LRRIQ1: variants seen among roughly 807,000 people sequenced by gnomAD.
LRRIQ1 encodes leucine-rich repeat- and IQ domain-containing protein 1.
Under a neutral mutation model 211.9 loss-of-function variants are expected in LRRIQ1, and 210 were observed. The ratio of observed to expected loss-of-function variants is 0.99; its 90% confidence interval spans 0.89 to 1.11. The LOEUF (loss-of-function observed/expected upper bound fraction) is 1.11, where lower values mean the gene tolerates loss of function less well. Ranked by LOEUF, LRRIQ1 falls within the 50% of genes most tolerant of loss-of-function variation. The pLI, the probability that LRRIQ1 is intolerant of heterozygous loss-of-function variation, is 0.00. For synonymous variants in LRRIQ1, 699 were observed against 650.1 expected, an observed-to-expected ratio of 1.08 and a Z score of -1.14; for missense variants, 2,136 against 1,939.5, an observed-to-expected ratio of 1.10 and a Z score of -1.90.
At chr12:85,244,758 G>A in intron 26 of LRRIQ1, 31 bp from the exon 27 acceptor site, 1 of 1,592,824 alleles carries the variant, frequency 6.3e-7, no homozygotes, top group Non-Finnish European at 8.6e-7. Flanking sequence ...TTTGTTTCAT[G>A]ATTGTATACA....
intron 24 of LRRIQ1, among the ~76,000 whole-genome samples, chr12:85,180,204 A>C (rs906865829): frequency 6.6e-6 from 1 of 151,932 alleles, no homozygotes; most frequent in Non-Finnish European, 1.5e-5. Context: ...TTCCTACTGA[A>C]GTTCAACCAA....
At chr12:85,250,910 A>AATATATTTTATAGATTATATATT (rs1565928899) in intron 1 of LRRIQ1, among the ~76,000 whole-genome samples, 8 of 78,202 alleles carry the variant, frequency 1.0e-4, no homozygotes, top group African/African-American at 1.9e-4. Flanking sequence ...TATTATATAT[A>AATATATTTTATAGATTATATATT]ATATATTTTA....
chr12:85,210,830 A>G (rs1893804472), intron 24 of LRRIQ1, among the ~76,000 whole-genome samples: 1 of 152,196 alleles, frequency 6.6e-6, no homozygotes, highest in Non-Finnish European at 1.5e-5. Context: ...TGCCCACTGA[A>G]GGTGAGGACT....
At chr12:85,066,410 T>C (rs1882434314) in intron 9 of LRRIQ1, among the ~76,000 whole-genome samples, 1 of 151,858 alleles carries the variant, frequency 6.6e-6, no homozygotes, top group Admixed American at 6.6e-5. Flanking sequence ...AGACAGGGCC[T>C]GATTAACAAC....
chr12:85,208,624 C>T (rs896830408), intron 24 of LRRIQ1, among the ~76,000 whole-genome samples: 11 of 151,786 alleles, frequency 7.2e-5, no homozygotes, highest in South Asian at 2.1e-4. Context: ...AATTAAGCAA[C>T]GAGACCAGTA....
rs184121089 is a variant in LRRIQ1, at chr12:85,131,270, C to T, written c.4209+3237C>T. Among the ~76,000 whole-genome samples, 199 of 151,792 alleles carry T rather than the reference C, an allele frequency of 1.3e-3. 1 individual carries two copies. Among genetic ancestry groups the T allele is most frequent in the African/African-American group, 4.6e-3 (191 of 41,390 alleles). Reference sequence around the variant, plus strand: ...GTGCATATCACTTTCAGATCTACCCCATAAAATCTCCCACAGACACTCCTT... The same window carrying T: ...GTGCATATCACTTTCAGATCTACCCTATAAAATCTCCCACAGACACTCCTT... On this transcript the variant is annotated intron_variant, in intron 18 of 26. Transcript: ENST00000393217.
chr12:85,045,528 G>C (rs891524316), intron 4 of LRRIQ1, among the ~76,000 whole-genome samples: 1 of 151,598 alleles, frequency 6.6e-6, no homozygotes, highest in Non-Finnish European at 1.5e-5. Flanking sequence ...GGAATAAATA[G>C]CCTGTATCTT....
intron 24 of LRRIQ1, among the ~76,000 whole-genome samples, chr12:85,196,565 A>G (rs1172482044): frequency 6.6e-6 from 1 of 152,102 alleles, no homozygotes; most frequent in Non-Finnish European, 1.5e-5. Flanking sequence ...TGAGAAAAAC[A>G]AGCAATGGGG....
intron 19 of LRRIQ1, among the ~76,000 whole-genome samples, chr12:85,147,138 C>G (rs994094422): frequency 6.6e-6 from 1 of 151,744 alleles, no homozygotes; most frequent in Admixed American, 6.6e-5. Flanking sequence ...AAACTGAAAA[C>G]TTAGGCAACT....
At chr12:85,257,615 C>T (rs1202514592) in intron 1 of LRRIQ1, among the ~76,000 whole-genome samples, 1 of 151,460 alleles carries the variant, frequency 6.6e-6, no homozygotes, top group Non-Finnish European at 1.5e-5. Context: ...CAGTGGGAAA[C>T]CAGAAAACCA....
intron 24 of LRRIQ1, among the ~76,000 whole-genome samples, chr12:85,182,165 A>C (rs1892009961): frequency 6.6e-6 from 1 of 152,050 alleles, no homozygotes. Context: ...CCCCTTTTGT[A>C]CCATTTCTTC....
At chr12:85,158,554 T>C (rs1890686364) in intron 23 of LRRIQ1, among the ~76,000 whole-genome samples, 1 of 151,980 alleles carries the variant, frequency 6.6e-6, no homozygotes, top group Non-Finnish European at 1.5e-5. Context: ...ATATGGATAC[T>C]CTAATGCTTA....
intron 26 of LRRIQ1, among the ~76,000 whole-genome samples, chr12:85,240,572 G>A (rs904827289): frequency 6.6e-6 from 1 of 152,062 alleles, no homozygotes; most frequent in African/African-American, 2.4e-5. Context: ...AGTGTTATTT[G>A]TAATAGCCAA....
intron 24 of LRRIQ1, among the ~76,000 whole-genome samples, chr12:85,202,297 A>T (rs1398037569): frequency 6.6e-6 from 1 of 152,096 alleles, no homozygotes; most frequent in Admixed American, 6.6e-5. Flanking sequence ...GCAAATGTCT[A>T]TTACATCCAT....
At chr12:85,141,349 G>A (rs1189900126) in intron 19 of LRRIQ1, among the ~76,000 whole-genome samples, 2 of 151,186 alleles carry the variant, frequency 1.3e-5, no homozygotes, top group Non-Finnish European at 3.0e-5. Context: ...TGAGAGAGGA[G>A]TGCTAAAATC....
Position 85,040,666 on chromosome 12 carries a change from G to C in LRRIQ1, c.244+65G>C, listed in dbSNP as rs1000881709. 8.8e-6 allele frequency: 8 copies of C among 905,326 alleles called. No individual in the cohort carries two copies. The African/African-American group carries it at 1.3e-4, about 15-fold the overall frequency. 56.1% of individuals were successfully genotyped at this position (905,326 alleles called of 1,614,324 possible). On this transcript the variant is annotated intron_variant, in intron 3 of 26. Coordinates refer to ENST00000393217, the MANE Select transcript of LRRIQ1 (RefSeq NM_001079910.2). The stretch of plus-strand genomic sequence containing the variant: ...GTAAGTATGAACAAATTATAATTTA[G>C]TAAACTAAAGTGCTTAAAGTTCTTA...
the LRRIQ1 span, among the ~76,000 whole-genome samples, chr12:85,270,464 A>G: frequency 2.6e-5 from 4 of 152,094 alleles, no homozygotes; most frequent in Non-Finnish European, 5.9e-5. Flanking sequence ...CCCAGGACCT[A>G]GCAACTTCAC....
At chr12:85,090,380 T>C (rs1269577685) in intron 11 of LRRIQ1, among the ~76,000 whole-genome samples, 1 of 152,070 alleles carries the variant, frequency 6.6e-6, no homozygotes, top group Non-Finnish European at 1.5e-5. Context: ...GACTCAAGAA[T>C]TGTAGATCCA....
intron 24 of LRRIQ1, among the ~76,000 whole-genome samples, chr12:85,191,357 TC>T (rs1247964596): frequency 6.6e-6 from 1 of 152,010 alleles, no homozygotes; most frequent in Non-Finnish European, 1.5e-5. Context: ...CAACCAGTGA[TC>T]TTTTTACTGA....
Sources: gnomAD v4.1 joint callset for allele counts (sites outside exome capture counted in the v4.1 genomes callset) on GRCh38, gnomAD v4.1.1 for gene constraint, MANE v1.5 for transcripts, NCBI Gene and HGNC (gene_info 2026-07-23, HGNC 2026-07-21) for gene names.